The following CTDSP2 variants were observed in gnomAD, a reference collection of about 807,000 sequenced individuals.
CTDSP2 encodes the protein CTD small phosphatase 2.
Under a neutral mutation model 31.6 loss-of-function variants are expected in CTDSP2, and 9 were observed. The ratio of observed to expected loss-of-function variants is 0.28; its 90% CI spans 0.17 to 0.50. CTDSP2 has a LOEUF of 0.50. Ranked by LOEUF, CTDSP2 falls within the 20% of genes least tolerant of loss-of-function variation. The pLI is 0.98. For synonymous variants in CTDSP2, 134 were observed against 134.5 expected (o/e 1.00, Z 0.03); for missense variants, 267 against 348.5 (o/e 0.77, Z 1.86).
chr12:57,846,724 C>G lies in CTDSP2; in HGVS notation c.-289G>C, dbSNP rs1351654829. ...CAACATGGAGAATCCGGAGCGAAAA[C>G]AAGAGGAGGAAATGGGACACGGGGC... On this transcript the variant is annotated 5_prime_UTR_variant, in exon 1 of 8. Transcript: ENST00000398073. 4 of 331,000 alleles carry G rather than the reference C, an allele frequency of 1.2e-5. No individual in the cohort carries two copies. The highest frequency in any genetic ancestry group is 5.2e-5 in the East Asian group (1 of 19,334). 20.5% of individuals were successfully genotyped at this position (331,000 alleles called of 1,614,324 possible).
chr12:57,843,334 T>A (rs1956294085), intron 1 of CTDSP2, among the ~76,000 whole-genome samples: 1 of 152,226 alleles, frequency 6.6e-6, no homozygotes, highest in Non-Finnish European at 1.5e-5. Context: ...ATTTCTTTTT[T>A]CTTTTTGATG....
intron 1 of CTDSP2, among the ~76,000 whole-genome samples, chr12:57,843,317 T>C (rs771187542): frequency 6.6e-6 from 1 of 152,216 alleles, no homozygotes; most frequent in Non-Finnish European, 1.5e-5. Flanking sequence ...GCCAAGCTGA[T>C]ATTAACATTT....
intron 1 of CTDSP2, 86 bp downstream of exon 1, chr12:57,846,286 C>A: frequency 7.6e-7 from 1 of 1,318,310 alleles, no homozygotes; most frequent in South Asian, 1.3e-5. Flanking sequence ...CCCTGGAGGT[C>A]AAGGGCCGAG....
intron 1 of CTDSP2, among the ~76,000 whole-genome samples, chr12:57,845,058 C>G (rs1166511982): frequency 1.3e-5 from 2 of 152,166 alleles, no homozygotes; most frequent in African/African-American, 4.8e-5. Context: ...TGTTGCCAAA[C>G]GGGGAGACGT....
intron 1 of CTDSP2, among the ~76,000 whole-genome samples, chr12:57,835,637 T>C (rs564504945): frequency 9.2e-5 from 14 of 152,234 alleles, no homozygotes; most frequent in African/African-American, 3.1e-4. Context: ...CCCCAAACAT[T>C]TGGTTTGGGG....
At chr12:57,825,395 GGC>G (rs1956176641) in intron 5 of CTDSP2, among the ~76,000 whole-genome samples, 1 of 152,088 alleles carries the variant, frequency 6.6e-6, no homozygotes, top group Non-Finnish European at 1.5e-5. Context: ...ACCCACCTTG[GGC>G]AGGTAGTGCT....
intron 1 of CTDSP2, among the ~76,000 whole-genome samples, chr12:57,832,347 A>G (rs1257733649): frequency 6.6e-6 from 1 of 152,250 alleles, no homozygotes; most frequent in Non-Finnish European, 1.5e-5. Flanking sequence ...CATCCCCCAG[A>G]GCCCTTTATC....
chr12:57,838,183 A>C (rs1256854524), intron 1 of CTDSP2, among the ~76,000 whole-genome samples: 1 of 152,188 alleles, frequency 6.6e-6, no homozygotes, highest in African/African-American at 2.4e-5. Flanking sequence ...GTTTCCTCAT[A>C]GACAAGTCAG....
chr12:57,823,991 C>T lies in CTDSP2; in HGVS notation c.603G>A (p.Lys201=). 6.2e-7 allele frequency: 1 copy of T among 1,614,140 alleles called. No homozygotes were observed. The highest frequency in any genetic ancestry group is 8.5e-7 in the Non-Finnish European group (1 of 1,180,026). Residue 201 remains lysine, a synonymous_variant, in exon 7 of 8, where the codon AAG becomes AAA. Coordinates refer to ENST00000398073, the MANE Select transcript of CTDSP2 (RefSeq NM_005730.4). ...SCVFHQGCYV[K]DLSRLGRDLR... is the part of the protein sequence containing the mutation. ...GGTCCCTCCCCAGGCGGCTGAGGTC[C>T]TTGACGTAGCAGCCCTGGTGGAACA... is the stretch of plus-strand genomic sequence containing the variant.
At chr12:57,839,261 T>C (rs1316877029) in intron 1 of CTDSP2, among the ~76,000 whole-genome samples, 1 of 152,152 alleles carries the variant, frequency 6.6e-6, no homozygotes, top group Non-Finnish European at 1.5e-5. Flanking sequence ...CAGCTCTTGC[T>C]CCAGTTCAGC....
chr12:57,832,778 C>T (rs528658800), intron 1 of CTDSP2, among the ~76,000 whole-genome samples: 2 of 103,894 alleles, frequency 1.9e-5, no homozygotes, highest in South Asian at 7.2e-4. Context: ...GGCAACAGAG[C>T]GAGACTCTGG....
intron 1 of CTDSP2, among the ~76,000 whole-genome samples, chr12:57,832,481 C>A (rs1956221521): frequency 6.6e-6 from 1 of 151,954 alleles, no homozygotes; most frequent in South Asian, 2.1e-4. Flanking sequence ...CATAGCAAGA[C>A]CTCATCTCAA....
intron 5 of CTDSP2, among the ~76,000 whole-genome samples, chr12:57,825,653 TCA>T (rs554577981): frequency 1.6e-3 from 237 of 152,330 alleles, no homozygotes; most frequent in Non-Finnish European, 2.8e-3. Flanking sequence ...ACTAGCAGTG[TCA>T]CATGATCCTT....
chr12:57,831,279 A>G (rs183065703), intron 1 of CTDSP2, among the ~76,000 whole-genome samples: 8 of 151,654 alleles, frequency 5.3e-5, no homozygotes, highest in Admixed American at 4.6e-4. Flanking sequence ...CACATGGTGA[A>G]ACCCTGTCTC....
chr12:57,824,484 C>A, intron 5 of CTDSP2, 165 bp from the exon 6 acceptor site: 1 of 671,656 alleles, frequency 1.5e-6, no homozygotes. Flanking sequence ...CCCACAGACC[C>A]GGAGAACTGG....
Position 57,823,535 on chromosome 12 carries a change from C to A in CTDSP2, c.*67G>T. 3.8e-6 allele frequency: 6 copies of A among 1,582,092 alleles called. No individual in the cohort carries two copies. The highest frequency in any genetic ancestry group is 8.6e-7 in the Non-Finnish European group (1 of 1,163,456). On this transcript the variant is annotated 3_prime_UTR_variant, in exon 8 of 8. Coordinates refer to ENST00000398073, the MANE Select transcript of CTDSP2 (RefSeq NM_005730.4). ...GCACTCCAGCTTCTACTCTGTCACG[C>A]TGATCGTAAAGGCACAGTGTGGGAA... is the stretch of plus-strand genomic sequence containing the variant.
rs374445112 is a variant in CTDSP2, at chr12:57,827,539, C to G, written c.252+13G>C. 9 of 1,613,728 alleles carry G rather than the reference C, an allele frequency of 5.6e-6. No individual in the cohort carries two copies. Among genetic ancestry groups the G allele is most frequent in the African/African-American group, 1.3e-5 (1 of 74,900 alleles). Reference sequence around the variant, plus strand: ...CCTGGCTTCTGAGTACTTACCAGGCCAGAGTCACGTACCTGGTAGAACTGG... The same window carrying G: ...CCTGGCTTCTGAGTACTTACCAGGCGAGAGTCACGTACCTGGTAGAACTGG... On this transcript the variant is annotated intron_variant, in intron 3 of 7. Coordinates refer to ENST00000398073, the MANE Select transcript of CTDSP2 (RefSeq NM_005730.4).
chr12:57,824,040 G>A lies in CTDSP2; in HGVS notation c.554C>T (p.Ala185Val). 2 of 1,614,074 alleles carry A rather than the reference G, an allele frequency of 1.2e-6. No individual in the cohort carries two copies. The highest frequency in any genetic ancestry group is 1.7e-6 in the Non-Finnish European group (2 of 1,180,002). ...CACGCAAGACTCACGGAATAGGCGGGCCCGGAACACCCCACACCGGTCCAG... is the reference window on the plus strand; with the variant it reads ...CACGCAAGACTCACGGAATAGGCGGACCCGGAACACCCCACACCGGTCCAG... ...DLLDRCGVFR[A>V]RLFRESCVFH... Residue 185 changes from alanine (A) to valine (V), a missense_variant, in exon 7 of 8, where the codon GCC becomes GTC. Physicochemically the swap from Ala to Val is moderately conservative, Grantham distance 64 (BLOSUM62 0). This residue lies in a region of CTDSP2 where 156 missense variants were observed against 241.3 expected (regional missense o/e 0.65). Transcript: ENST00000398073.
Position 57,822,505 on chromosome 12 carries a change from G to C in CTDSP2, c.*1097C>G, listed in dbSNP as rs1956153105. On this transcript the variant is annotated 3_prime_UTR_variant, in exon 8 of 8. Coordinates refer to ENST00000398073, the MANE Select transcript of CTDSP2 (RefSeq NM_005730.4). Reference sequence around the variant, plus strand: ...GCTGGAACAGACAGAGCTCGGTACAGGACAGGCCCTGGGGGAAGACACAAC... The same window carrying C: ...GCTGGAACAGACAGAGCTCGGTACACGACAGGCCCTGGGGGAAGACACAAC... 6.6e-6 allele frequency: 1 copy of C among 152,414 alleles called. No individual in the cohort carries two copies. Among genetic ancestry groups the C allele is most frequent in the African/African-American group, 2.4e-5 (1 of 41,454 alleles). 9.4% of individuals were successfully genotyped at this position (152,414 alleles called of 1,614,324 possible). A position where few individuals can be genotyped will look rare whatever the true frequency, so the allele number is the denominator to read the frequency against.
Sources: allele counts gnomAD v4.1 joint callset (sites outside exome capture counted in the v4.1 genomes callset), GRCh38; gene constraint gnomAD v4.1.1; regional missense constraint gnomAD v4.1.1; transcripts MANE v1.5; gene names NCBI Gene and HGNC (gene_info 2026-07-23, HGNC 2026-07-21).